The following NOXA1 variants were observed in gnomAD, a reference collection of about 807,000 sequenced individuals.
NOXA1 encodes the protein NCF2-like protein.
NOXA1 carries 56 observed loss-of-function variants against 64.8 expected under a neutral mutation model. The observed-to-expected ratio is 0.86, with a 90% CI of 0.70 to 1.08. NOXA1 has a LOEUF of 1.08. Ranked by LOEUF, NOXA1 falls within the 50% of genes least tolerant of loss-of-function variation. The probability of loss-of-function intolerance (pLI) is 0.00; values close to 1 mark genes in which losing one functional copy is unlikely to be tolerated. For synonymous variants in NOXA1, 295 were observed against 294.8 expected, an observed-to-expected ratio of 1.00 and a Z score of -0.01; for missense variants, 668 against 658.5, an observed-to-expected ratio of 1.01 and a Z score of -0.16.
chr9:137,427,904 G>C (rs1386191647), intron 2 of NOXA1, 129 bp from the exon 3 acceptor site: 21 of 641,862 alleles, frequency 3.3e-5, no homozygotes, highest in Middle Eastern at 8.2e-4. Flanking sequence ...CCTAGGCACC[G>C]CACTGCCCTC....
intron 1 of NOXA1, among the ~76,000 whole-genome samples, chr9:137,425,398 T>C (rs1357938269): frequency 6.6e-6 from 1 of 152,196 alleles, no homozygotes; most frequent in African/African-American, 2.4e-5. Flanking sequence ...ATTTTATTTA[T>C]TTTTTGAGAC....
rs774940996 is a variant in NOXA1 at position 137,433,436 on chromosome 9, C to T, written c.910-17C>T. ...TGGGCCTCAGCGACCACCCCTCCCC[C>T]TCCTGCCTGGACCCAGGGAGCAGGT... On this transcript the variant is annotated splice_polypyrimidine_tract_variant and intron_variant, in intron 10 of 13. Transcript: ENST00000683555. 5.7e-6 allele frequency: 9 copies of T among 1,588,468 alleles called. 1 individual carries two copies. Among genetic ancestry groups the T allele is most frequent in the African/African-American group, 2.7e-5 (2 of 74,620 alleles).
intron 1 of NOXA1, 58 bp downstream of exon 1, chr9:137,423,764 A>G: frequency 8.4e-7 from 1 of 1,195,682 alleles, no homozygotes; most frequent in Non-Finnish European, 1.0e-6. Flanking sequence ...GCCCCTGGGG[A>G]GGGCCCAGCG....
chr9:137,430,106 G>A (rs1216294666), intron 5 of NOXA1, among the ~76,000 whole-genome samples: 3 of 145,684 alleles, frequency 2.1e-5, no homozygotes, highest in Non-Finnish European at 4.5e-5. Context: ...GGTCCCGGGG[G>A]GTCTCCCTGT....
rs991437978 is a variant in NOXA1 at position 137,426,100 on chromosome 9, G to A, written c.178-148G>A. On this transcript the variant is annotated intron_variant, in intron 1 of 13. Coordinates refer to ENST00000683555, the MANE Select transcript of NOXA1 (RefSeq NM_001256067.2). ...ACAGCCCTGCCCAGGCAGGGGCTCC[G>A]AAGGTTCCTGGACAGGAGCAGGAGG... 4.6e-5 allele frequency: 32 copies of A among 698,734 alleles called. No individual in the cohort carries two copies. The African/African-American group carries it at 4.8e-4, about 10-fold the overall frequency. The allele number at this position is 698,734 out of a possible 1,614,324, so 43.3% of individuals were successfully genotyped here.
chr9:137,428,824 C>A, intron 3 of NOXA1, 58 bp from the exon 4 acceptor site: 1 of 1,478,578 alleles, frequency 6.8e-7, no homozygotes, highest in Non-Finnish European at 9.0e-7. Flanking sequence ...GTGGGGGAAC[C>A]GGGAGAGGGC....
Position 137,433,060 on chromosome 9 carries a change from C to T in NOXA1, c.836C>T (p.Ala279Val). The T allele has an allele frequency of 6.2e-7, 1 of 1,612,854 alleles. No individual in the cohort carries two copies. The highest frequency in any genetic ancestry group is 8.5e-7 in the Non-Finnish European group (1 of 1,179,918). Residue 279 changes from alanine (A) to valine (V), a missense_variant, in exon 9 of 14, where the codon GCT becomes GTT. Physicochemically the swap from Ala to Val is moderately conservative, Grantham distance 64. Transcript: ENST00000683555. ...RPQVEQVGKQ[A>V]PLSPGLPAMG... The stretch of plus-strand genomic sequence containing the variant: ...CAGGTGGAGCAAGTTGGCAAACAGG[C>T]TCCTCTCTCCCCAGGTATGGGCGTC...
At chr9:137,429,775 G>C (rs1588465680) in intron 5 of NOXA1, among the ~76,000 whole-genome samples, 2 of 147,468 alleles carry the variant, frequency 1.4e-5, no homozygotes, top group Admixed American at 6.8e-5. Flanking sequence ...GTCCCGGGGG[G>C]GTCCCTGCGT....
intron 1 of NOXA1, 98 bp from the exon 2 acceptor site, chr9:137,426,150 G>A (rs368050097): frequency 8.0e-6 from 9 of 1,129,104 alleles, no homozygotes; most frequent in African/African-American, 7.6e-5. Flanking sequence ...CCCAGGGGCT[G>A]ACGGAATTCC....
chr9:137,428,224 T>G, intron 3 of NOXA1, 83 bp downstream of exon 3: 1 of 997,394 alleles, frequency 1.0e-6, no homozygotes, highest in Non-Finnish European at 1.5e-6. Flanking sequence ...CCCTGTGGAC[T>G]GGGGAGCGCC....
At chr9:137,427,074 G>A (rs974475776) in intron 2 of NOXA1, among the ~76,000 whole-genome samples, 65 of 152,208 alleles carry the variant, frequency 4.3e-4, no homozygotes, top group Non-Finnish European at 8.8e-4. Context: ...TGGGATTACA[G>A]GAATGAGCCA....
rs746635584 is a variant in NOXA1 at position 137,434,292 on chromosome 9, C to G, written c.1363C>G (p.Pro455Ala). ...IGIFPKCFVVPAGPRMSGAPG... is the reference protein window; with the variant it reads ...IGIFPKCFVVAAGPRMSGAPG... ...CATCTTCCCCAAGTGCTTCGTGGTC[C>G]CCGCCGGCCCTCGGATGTCAGGAGC... is the stretch of plus-strand genomic sequence containing the variant. Residue 455 changes from proline to alanine, a missense_variant, in exon 14 of 14, where the codon CCC becomes GCC. Coordinates refer to ENST00000683555, the MANE Select transcript of NOXA1 (RefSeq NM_001256067.2). 1.9e-6 allele frequency: 3 copies of G among 1,610,828 alleles called. No individual in the cohort carries two copies. In the African/African-American group the frequency reaches 4.0e-5, roughly 22 times the overall value.
Position 137,423,419 on chromosome 9 carries a change from C to CTTGG in NOXA1, c.-111_-110insTTGG. Reference sequence around the variant, plus strand: ...GCGGGGTTGCACCTGGCGCTTGGCGCCCGCACCTCTGCCCGCCTCGGAGAC... The same window carrying CTTGG: ...GCGGGGTTGCACCTGGCGCTTGGCGCTTGGCCGCACCTCTGCCCGCCTCGGAGAC... On this transcript the variant is annotated 5_prime_UTR_variant, in exon 1 of 14. Transcript: ENST00000683555. 1.5e-6 allele frequency: 1 copy of CTTGG among 648,270 alleles called. No homozygotes were observed. The highest frequency in any genetic ancestry group is 1.9e-5 in the African/African-American group (1 of 51,376). The allele number at this position is 648,270 out of a possible 1,614,324, so 40.2% of individuals were successfully genotyped here.
chr9:137,432,603 C>T (rs931759023), intron 8 of NOXA1, among the ~76,000 whole-genome samples: 1 of 152,208 alleles, frequency 6.6e-6, no homozygotes, highest in Non-Finnish European at 1.5e-5. Flanking sequence ...AATGCCTGAC[C>T]CTCAGGGTCT....
intron 1 of NOXA1, among the ~76,000 whole-genome samples, chr9:137,425,737 G>A (rs1477691582): frequency 1.3e-5 from 2 of 151,860 alleles, no homozygotes; most frequent in African/African-American, 4.8e-5. Flanking sequence ...GCGTTATCTC[G>A]TCTCCAGTAT....
At position 137,433,465 on chromosome 9, in the gene NOXA1, G is replaced by A. The variant is rs1197361854; in HGVS notation, c.922G>A (p.Gly308Arg). 1 of 1,601,396 alleles carries A rather than the reference G, an allele frequency of 6.2e-7. No homozygotes were observed. The highest frequency in any genetic ancestry group is 8.5e-7 in the Non-Finnish European group (1 of 1,177,876). ...DPAGAGGAGA[G>R]GSEPLVTVTV... is the part of the protein sequence containing the mutation. ...TGCCTGGACCCAGGGAGCAGGTGCA[G>A]GGGGCTCCGAGCCCCTGGTGACTGT... The change falls in exon 11 of 14, where the codon GGG becomes AGG. Residue 308 changes from glycine (G) to arginine (R), a missense_variant. Physicochemically the swap from Gly to Arg is moderately radical, Grantham distance 125. Transcript: ENST00000683555.
rs911193705 is a variant in NOXA1, at chr9:137,433,489, G to A, written c.946G>A (p.Val316Ile). 2 of 1,604,148 alleles carry A rather than the reference G, an allele frequency of 1.2e-6. No homozygotes were observed. Among genetic ancestry groups the A allele is most frequent in the South Asian group, 2.2e-5 (2 of 90,380 alleles). Residue 316 changes from valine (V) to isoleucine (I), a missense_variant, in exon 11 of 14, where the codon GTC (valine) becomes ATC (isoleucine). Coordinates refer to ENST00000683555, the MANE Select transcript of NOXA1 (RefSeq NM_001256067.2). Reference sequence around the variant, plus strand: ...AGGGGGCTCCGAGCCCCTGGTGACTGTCACCGTGCAGTGCGCCTTCACAGT... The same window carrying A: ...AGGGGGCTCCGAGCCCCTGGTGACTATCACCGTGCAGTGCGCCTTCACAGT... ...GAGGSEPLVT[V>I]TVQCAFTVAL...
In NOXA1 at chr9:137,428,025, G is replaced by A. The variant is rs777945244; in HGVS notation, c.261-8G>A. On this transcript the variant is annotated splice_region_variant and splice_polypyrimidine_tract_variant and intron_variant, in intron 2 of 13. Transcript: ENST00000683555. ...CTGTGCTGCTGAGGGGACCCCGGCTGCCCACAGGTTCCAGGAGGCTCTGTC... is the reference window on the plus strand; with the variant it reads ...CTGTGCTGCTGAGGGGACCCCGGCTACCCACAGGTTCCAGGAGGCTCTGTC... 32 of 1,557,574 alleles carry A rather than the reference G, an allele frequency of 2.1e-5. No individual in the cohort carries two copies. Among genetic ancestry groups the A allele is most frequent in the Non-Finnish European group, 1.9e-5 (22 of 1,150,042 alleles).
chr9:137,433,959 C>A lies in NOXA1; in HGVS notation c.1180-6C>A. 6.5e-7 allele frequency: 1 copy of A among 1,542,572 alleles called. No homozygotes were observed. The highest frequency in any genetic ancestry group is 8.7e-7 in the Non-Finnish European group (1 of 1,146,346). ...GCCCGACCTGCAGCCCACTCTCCTG[C>A]CTCAGGGAGCCGGGGGTCGGCCGGT... On this transcript the variant is annotated splice_region_variant and splice_polypyrimidine_tract_variant and intron_variant, in intron 12 of 13. Coordinates refer to ENST00000683555, the MANE Select transcript of NOXA1 (RefSeq NM_001256067.2).
Sources: allele counts gnomAD v4.1 joint callset (sites outside exome capture counted in the v4.1 genomes callset), GRCh38; gene constraint gnomAD v4.1.1; transcripts MANE v1.5; gene names NCBI Gene and HGNC (gene_info 2026-07-23, HGNC 2026-07-21).